STUM: variants seen among roughly 807,000 people sequenced by gnomAD.
STUM encodes protein stum homolog.
STUM carries 8 observed loss-of-function variants against 15.3 expected under a neutral mutation model. The observed-to-expected ratio is 0.52, with a 90% CI of 0.31 to 0.94. The LOEUF (loss-of-function observed/expected upper bound fraction) is 0.94, where lower values mean the gene tolerates loss of function less well. Among genes scored for constraint, STUM ranks in the 40% least tolerant of loss-of-function variants. The pLI, the probability that STUM is intolerant of heterozygous loss-of-function variation, is 0.05. For synonymous variants in STUM, 78 were observed against 88.7 expected, an observed-to-expected ratio of 0.88 and a Z score of 0.68; for missense variants, 142 against 204.9, an observed-to-expected ratio of 0.69 and a Z score of 1.87.
intron 1 of STUM, among the ~76,000 whole-genome samples, chr1:226,557,619 T>G (rs1357967188): frequency 6.6e-6 from 1 of 152,190 alleles, no homozygotes; most frequent in Non-Finnish European, 1.5e-5. Context: ...GTTCCCCTTT[T>G]CTCCACGTCC....
chr1:226,597,857 G>T (rs1021297530), intron 2 of STUM, among the ~76,000 whole-genome samples: 2 of 152,212 alleles, frequency 1.3e-5, no homozygotes, highest in Admixed American at 6.5e-5. Context: ...TGCACTGCCA[G>T]GGTCTCCCAG....
At position 226,549,160 on chromosome 1, in the gene STUM, TG is replaced by T. The variant is rs531811184; in HGVS notation, c.202+60del. Reference sequence around the variant, plus strand: ...ACCCCCACCCCGCCGCGGGAGGGCGTGGGGGGAGAGAAGGGCGCGGCCGGAG... The same window carrying T: ...ACCCCCACCCCGCCGCGGGAGGGCGTGGGGGAGAGAAGGGCGCGGCCGGAG... On this transcript the variant is annotated intron_variant, in intron 1 of 3. Transcript: ENST00000366788. The surrounding 1 kb of genome is among the most constrained non-coding windows in gnomAD (Gnocchi z 6.8). The T allele has an allele frequency of 2.0e-6, 3 of 1,485,822 alleles. No individual in the cohort carries two copies. Among genetic ancestry groups the T allele is most frequent in the Non-Finnish European group, 2.7e-6 (3 of 1,100,454 alleles). 92.0% of individuals were successfully genotyped at this position (1,485,822 alleles called of 1,614,324 possible). A position where few individuals can be genotyped will look rare whatever the true frequency, so the allele number is the denominator to read the frequency against.
At chr1:226,585,193 G>A (rs1374158032) in intron 1 of STUM, among the ~76,000 whole-genome samples, 2 of 152,186 alleles carry the variant, frequency 1.3e-5, no homozygotes, top group African/African-American at 2.4e-5. Flanking sequence ...GTGGAGTGAA[G>A]AATAGTGCCA....
rs552243644 is a variant in STUM, at chr1:226,601,371, C to T, written c.392-635C>T. Among the ~76,000 whole-genome samples, 46 of 152,238 alleles carry T rather than the reference C, an allele frequency of 3.0e-4. 1 individual carries two copies. Among genetic ancestry groups the T allele is most frequent in the Admixed American group, 2.1e-3 (32 of 15,298 alleles). On this transcript the variant is annotated intron_variant, in intron 3 of 3. Coordinates refer to ENST00000366788, the MANE Select transcript of STUM (RefSeq NM_001003665.4). ...CAATCTCCTGACATAGTGATCTGCCCGCCTCGGCCTCCCAAAGGGTATCTT... is the reference window on the plus strand; with the variant it reads ...CAATCTCCTGACATAGTGATCTGCCTGCCTCGGCCTCCCAAAGGGTATCTT...
At chr1:226,570,171 G>C (rs1667685624) in intron 1 of STUM, among the ~76,000 whole-genome samples, 1 of 152,178 alleles carries the variant, frequency 6.6e-6, no homozygotes, top group Non-Finnish European at 1.5e-5. Context: ...AGCTCTGGTG[G>C]CTCCTCTGGG....
chr1:226,557,032 A>G (rs1201894995), intron 1 of STUM, among the ~76,000 whole-genome samples: 3 of 152,200 alleles, frequency 2.0e-5, no homozygotes, highest in Non-Finnish European at 4.4e-5. Flanking sequence ...ACGATACTCT[A>G]TTATTAACTA....
chr1:226,606,807 G>A lies in STUM; in HGVS notation c.*4767G>A, dbSNP rs1472564126. 1 of 152,254 alleles carries A rather than the reference G, an allele frequency of 6.6e-6. No individual in the cohort carries two copies. Among genetic ancestry groups the A allele is most frequent in the Non-Finnish European group, 1.5e-5 (1 of 68,090 alleles). 9.4% of individuals were successfully genotyped at this position (152,254 alleles called of 1,614,324 possible). A position where few individuals can be genotyped will look rare whatever the true frequency, so the allele number is the denominator to read the frequency against. On this transcript the variant is annotated 3_prime_UTR_variant, in exon 4 of 4. Transcript: ENST00000366788. The stretch of plus-strand genomic sequence containing the variant: ...GGAAAAACAGAGTTTCCTCTCCAGA[G>A]GGCTCAATGAGCAGCCAGGTAGTGG...
chr1:226,560,312 C>A (rs1487746464), intron 1 of STUM, among the ~76,000 whole-genome samples: 1 of 152,186 alleles, frequency 6.6e-6, no homozygotes, highest in Non-Finnish European at 1.5e-5. Flanking sequence ...AATCCAGGTG[C>A]TCTTGGGGAA....
chr1:226,569,707 A>AC (rs1667676771), intron 1 of STUM, among the ~76,000 whole-genome samples: 1 of 152,100 alleles, frequency 6.6e-6, no homozygotes. Context: ...AATGTAACGT[A>AC]CCCCCAAAGC....
At chr1:226,556,043 G>C (rs977003248) in intron 1 of STUM, among the ~76,000 whole-genome samples, 1 of 152,060 alleles carries the variant, frequency 6.6e-6, no homozygotes, top group African/African-American at 2.4e-5. Flanking sequence ...CAAATCCGGC[G>C]TATATTTTAC....
At chr1:226,580,362 G>C (rs1196487367) in intron 1 of STUM, among the ~76,000 whole-genome samples, 1 of 152,150 alleles carries the variant, frequency 6.6e-6, no homozygotes, top group Admixed American at 6.5e-5. Flanking sequence ...GGAGCTCAGA[G>C]GCAAGGTCTG....
chr1:226,548,879 C>T lies in STUM; in HGVS notation c.-26C>T. 1 of 1,340,034 alleles carries T rather than the reference C, an allele frequency of 7.5e-7. No homozygotes were observed. Among genetic ancestry groups the T allele is most frequent in the Non-Finnish European group, 9.5e-7 (1 of 1,055,540 alleles). The allele number at this position is 1,340,034 out of a possible 1,614,324, so 83.0% of individuals were successfully genotyped here. ...TGGGCGCCAGCTCCGGCCGTGCTGC[C>T]CGGCTGCCTGAGAGCGCGCCCGGCC... On this transcript the variant is annotated 5_prime_UTR_variant, in exon 1 of 4. Coordinates refer to ENST00000366788, the MANE Select transcript of STUM (RefSeq NM_001003665.4).
At chr1:226,574,921 T>C (rs982545265) in intron 1 of STUM, among the ~76,000 whole-genome samples, 1 of 152,126 alleles carries the variant, frequency 6.6e-6, no homozygotes. Flanking sequence ...CCCCAACTCA[T>C]GGGGAACAAG....
chr1:226,554,178 T>C (rs1667414458), intron 1 of STUM, among the ~76,000 whole-genome samples: 1 of 152,230 alleles, frequency 6.6e-6, no homozygotes, highest in African/African-American at 2.4e-5. Flanking sequence ...TTTCCCTCTC[T>C]CCTGAAAATG....
intron 1 of STUM, among the ~76,000 whole-genome samples, chr1:226,550,796 C>A (rs555746317): frequency 8.1e-4 from 124 of 152,278 alleles, no homozygotes; most frequent in African/African-American, 2.9e-3. Context: ...TCACTAGGTG[C>A]CTTTCCCAGC....
chr1:226,557,301 A>C (rs1233785332), intron 1 of STUM, among the ~76,000 whole-genome samples: 1 of 152,250 alleles, frequency 6.6e-6, no homozygotes, highest in Non-Finnish European at 1.5e-5. Context: ...TGCAAATGAT[A>C]GACTTTCCTT....
At chr1:226,561,040 C>T (rs985263574) in intron 1 of STUM, among the ~76,000 whole-genome samples, 1 of 152,188 alleles carries the variant, frequency 6.6e-6, no homozygotes, top group Non-Finnish European at 1.5e-5. Context: ...AACCAGCCTT[C>T]AAGACCCAAC....
In STUM at chr1:226,575,226, C is replaced by T. The variant is rs529806546; in HGVS notation, c.203-21576C>T. Among the ~76,000 whole-genome samples, 3 of 152,368 alleles carry T rather than the reference C, an allele frequency of 2.0e-5. No individual in the cohort carries two copies. In the South Asian group the frequency reaches 6.2e-4, roughly 32 times the overall value. On this transcript the variant is annotated intron_variant, in intron 1 of 3. Transcript: ENST00000366788. ...TCACAGTGATTTGTGAGGACTAGAT[C>T]AGGCCTATACAGAATGGGCCAGGAC...
intron 1 of STUM, among the ~76,000 whole-genome samples, chr1:226,596,030 C>T (rs1668174637): frequency 6.6e-6 from 1 of 152,142 alleles, no homozygotes; most frequent in African/African-American, 2.4e-5. Flanking sequence ...GCTCAGAGCC[C>T]ATGTAGGAAA....
Sources: gnomAD v4.1 joint callset for allele counts (sites outside exome capture counted in the v4.1 genomes callset) on GRCh38, gnomAD v4.1.1 for gene constraint, Gnocchi (gnomAD v3.1) non-coding constraint, MANE v1.5 for transcripts, NCBI Gene and HGNC (gene_info 2026-07-23, HGNC 2026-07-21) for gene names.